TRDN: variants seen among roughly 807,000 people sequenced by gnomAD.
The protein encoded by TRDN is triadin.
Under a neutral mutation model 149.7 loss-of-function variants are expected in TRDN, and 161 were observed. The ratio of observed to expected loss-of-function variants is 1.08; its 90% CI spans 0.95 to 1.23. The LOEUF (loss-of-function observed/expected upper bound fraction) is 1.23, where lower values mean the gene tolerates loss of function less well. TRDN is among the 50% of genes most tolerant of loss of function. The pLI, the probability that TRDN is intolerant of heterozygous loss-of-function variation, is 0.00. For missense variants in TRDN, 896 were observed against 823.5 expected, an observed-to-expected ratio of 1.09 and a Z score of -1.08; for synonymous variants, 294 against 250.5, an observed-to-expected ratio of 1.17 and a Z score of -1.64.
chr6:123,394,964 A>G (rs1772658017), intron 12 of TRDN, among the ~76,000 whole-genome samples: 1 of 152,182 alleles, frequency 6.6e-6, no homozygotes, highest in Non-Finnish European at 1.5e-5. Context: ...TTAGTAGACA[A>G]GTATTAAATA....
chr6:123,489,520 A>G (rs1778118954), intron 9 of TRDN: 1 of 152,172 alleles, frequency 6.6e-6, no homozygotes, highest in Non-Finnish European at 1.5e-5. Flanking sequence ...CCAAGAAACA[A>G]AAGGAAATTT....
At chr6:123,289,628 G>A (rs1211415402) in intron 24 of TRDN, among the ~76,000 whole-genome samples, 3 of 152,140 alleles carry the variant, frequency 2.0e-5, no homozygotes, top group Non-Finnish European at 4.4e-5. Flanking sequence ...CAATGTCCTA[G>A]TGATTACAAC....
intron 7 of TRDN, among the ~76,000 whole-genome samples, chr6:123,506,056 T>C (rs535972553): frequency 6.6e-6 from 1 of 152,326 alleles, no homozygotes; most frequent in Admixed American, 6.5e-5. Flanking sequence ...TTTCTGCGGA[T>C]GACTTTAAAT....
At chr6:123,544,154 A>G (rs1261348773) in intron 4 of TRDN, among the ~76,000 whole-genome samples, 1 of 151,992 alleles carries the variant, frequency 6.6e-6, no homozygotes, top group Non-Finnish European at 1.5e-5. Context: ...TGTATTTTAC[A>G]GTTAGAATGA....
intron 12 of TRDN, among the ~76,000 whole-genome samples, chr6:123,424,079 CT>C (rs1214625422): frequency 6.6e-6 from 1 of 152,104 alleles, no homozygotes; most frequent in Non-Finnish European, 1.5e-5. Context: ...AAAATTATAA[CT>C]GTCCATTGTC....
At chr6:123,488,058 A>C (rs1339681539) in intron 9 of TRDN, among the ~76,000 whole-genome samples, 1 of 152,168 alleles carries the variant, frequency 6.6e-6, no homozygotes, top group Non-Finnish European at 1.5e-5. Flanking sequence ...ATCCTCTACT[A>C]TGCTGAGCCT....
At chr6:123,263,631 A>G (rs1003600290) in intron 33 of TRDN, among the ~76,000 whole-genome samples, 1 of 152,042 alleles carries the variant, frequency 6.6e-6, no homozygotes, top group African/African-American at 2.4e-5. Flanking sequence ...CCTGTCTTTA[A>G]AAGAACAACA....
chr6:123,304,438 C>T (rs1778536918), intron 24 of TRDN, among the ~76,000 whole-genome samples: 3 of 151,542 alleles, frequency 2.0e-5, no homozygotes, highest in Non-Finnish European at 4.4e-5. Flanking sequence ...TATTTTAGTA[C>T]AGATGCAGTT....
intron 20 of TRDN, among the ~76,000 whole-genome samples, chr6:123,363,648 C>T (rs1030456094): frequency 1.3e-5 from 2 of 152,168 alleles, no homozygotes; most frequent in East Asian, 1.9e-4. Flanking sequence ...AGCAAGTCTA[C>T]GTAACCCCAA....
chr6:123,522,012 T>A (rs1779705185), intron 5 of TRDN, among the ~76,000 whole-genome samples: 1 of 152,196 alleles, frequency 6.6e-6, no homozygotes, highest in Admixed American at 6.6e-5. Context: ...TATTATCACC[T>A]AGTGGCTGTG....
intron 12 of TRDN, among the ~76,000 whole-genome samples, chr6:123,395,413 G>A (rs767107577): frequency 2.0e-5 from 3 of 152,126 alleles, no homozygotes; most frequent in Non-Finnish European, 2.9e-5. Flanking sequence ...ATGCCCCTGA[G>A]TGCTGAGTTT....
chr6:123,465,582 C>CAAA (rs1223948612), intron 9 of TRDN, among the ~76,000 whole-genome samples: 181 of 64,974 alleles, frequency 2.8e-3, no homozygotes, highest in Non-Finnish European at 3.2e-3. Flanking sequence ...TTATGAACTG[C>CAAA]AAAAAAAAAA....
At chr6:123,497,967 G>C (rs1778521278) in intron 8 of TRDN, among the ~76,000 whole-genome samples, 1 of 81,430 alleles carries the variant, frequency 1.2e-5, no homozygotes, top group Non-Finnish European at 2.7e-5. Flanking sequence ...GGCAGACCTG[G>C]TCTTCAGGAG....
intron 1 of TRDN, among the ~76,000 whole-genome samples, chr6:123,617,903 A>T (rs916268318): frequency 6.6e-6 from 1 of 151,972 alleles, no homozygotes; most frequent in African/African-American, 2.4e-5. Context: ...ACACCCGGCT[A>T]ATTTTTGTAT....
At chr6:123,265,183 T>G (rs1776896857) in intron 33 of TRDN, 135 bp downstream of exon 33, 3 of 631,446 alleles carry the variant, frequency 4.8e-6, no homozygotes, top group Non-Finnish European at 5.0e-6. Flanking sequence ...CCAGACTCAC[T>G]TATATGGTAA....
intron 24 of TRDN, 128 bp from the exon 25 acceptor site, chr6:123,279,210 G>A: frequency 1.4e-6 from 1 of 730,160 alleles, no homozygotes; most frequent in South Asian, 2.7e-5. Context: ...ATCCTTTTTT[G>A]TTGAAATTCT....
rs550172190 is a variant in TRDN at position 123,227,350 on chromosome 6, T to C, written c.1976-3219A>G. On this transcript the variant is annotated intron_variant, in intron 38 of 40. Coordinates refer to ENST00000334268, the MANE Select transcript of TRDN (RefSeq NM_006073.4). ...ATTGGTACTATAAGGAAAATAACGA[T>C]ATGTTATTTGAGTTTGGAGAAAGAC... 3.6e-3 allele frequency among the ~76,000 whole-genome samples: 545 copies of C among 151,918 alleles called. 4 individuals are homozygous for C. The highest frequency in any genetic ancestry group is 0.013 in the African/African-American group (522 of 41,494).
chr6:123,311,112 G>C (rs1778801761), intron 24 of TRDN, among the ~76,000 whole-genome samples: 1 of 151,948 alleles, frequency 6.6e-6, no homozygotes, highest in Admixed American at 6.6e-5. Flanking sequence ...AAAGAAAAGA[G>C]GCTTAATTGA....
At chr6:123,417,338 TCA>T (rs1491099711) in intron 12 of TRDN, among the ~76,000 whole-genome samples, 1 of 152,164 alleles carries the variant, frequency 6.6e-6, no homozygotes, top group Non-Finnish European at 1.5e-5. Context: ...ATTACCAAAA[TCA>T]CAGAGTGCAA....
Sources: allele counts gnomAD v4.1 joint callset (sites outside exome capture counted in the v4.1 genomes callset), GRCh38; gene constraint gnomAD v4.1.1; transcripts MANE v1.5; gene names NCBI Gene and HGNC (gene_info 2026-07-23, HGNC 2026-07-21).